SGCZ: variants seen among roughly 807,000 people sequenced by gnomAD.
SGCZ encodes sarcoglycan zeta, also known as zeta-sarcoglycan.
SGCZ carries 40 observed loss-of-function variants against 41.3 expected under a neutral mutation model. The ratio of observed to expected loss-of-function variants is 0.97; its 90% CI spans 0.75 to 1.26. SGCZ has a LOEUF of 1.26. Ranked by LOEUF, SGCZ falls within the 50% of genes most tolerant of loss-of-function variation. The pLI, the probability that SGCZ is intolerant of heterozygous loss-of-function variation, is 0.00. For synonymous variants in SGCZ, 206 were observed against 137.5 expected (o/e 1.50, Z -3.49); for missense variants, 552 against 369.8 (o/e 1.49, Z -4.04).
chr8:14,893,371 G>A (rs73666918), intron 1 of SGCZ, among the ~76,000 whole-genome samples: 4,245 of 152,182 alleles, frequency 0.028, 207 homozygotes, highest in African/African-American at 0.098. Flanking sequence ...CTAGTCCGAT[G>A]AGAGCCACGT....
At chr8:14,962,927 A>G (rs748747594) in intron 1 of SGCZ, among the ~76,000 whole-genome samples, 2 of 152,200 alleles carry the variant, frequency 1.3e-5, no homozygotes, top group African/African-American at 2.4e-5. Flanking sequence ...GTCACTGGCA[A>G]CAGGGGATTA....
intron 1 of SGCZ, among the ~76,000 whole-genome samples, chr8:15,143,600 TG>T (rs1798959416): frequency 6.6e-6 from 1 of 152,238 alleles, no homozygotes; most frequent in African/African-American, 2.4e-5. Flanking sequence ...CAAAAACACA[TG>T]GGTTTAACCC....
intron 2 of SGCZ, among the ~76,000 whole-genome samples, chr8:14,410,805 T>C (rs1799339802): frequency 2.0e-5 from 3 of 152,074 alleles, no homozygotes; most frequent in South Asian, 2.1e-4. Context: ...CGAACAAAAA[T>C]AGGAGTTCTA....
chr8:14,606,537 T>C (rs1202689261), intron 1 of SGCZ, among the ~76,000 whole-genome samples: 1 of 152,212 alleles, frequency 6.6e-6, no homozygotes, highest in Admixed American at 6.5e-5. Flanking sequence ...GCAGGAATCA[T>C]ATGACTATAT....
intron 2 of SGCZ, among the ~76,000 whole-genome samples, chr8:14,456,995 C>T (rs2116940882): frequency 6.6e-6 from 1 of 152,298 alleles, no homozygotes; most frequent in African/African-American, 2.4e-5. Flanking sequence ...GAAGCAGATG[C>T]TTCCAGTGGG....
chr8:14,113,368 C>T lies in SGCZ; in HGVS notation c.548-5133G>A, dbSNP rs545973935. 1.2e-3 allele frequency among the ~76,000 whole-genome samples: 181 copies of T among 152,192 alleles called. 1 individual carries two copies. The highest frequency in any genetic ancestry group is 3.4e-3 in the Middle Eastern group (1 of 294). On this transcript the variant is annotated intron_variant, in intron 5 of 7. Transcript: ENST00000382080. The stretch of plus-strand genomic sequence containing the variant: ...GCCTGTAGTACTTGTCTTTAAACTA[C>T]CATATCTATTCTTACATTTTATATT...
intron 1 of SGCZ, among the ~76,000 whole-genome samples, chr8:15,004,887 T>G (rs1327160603): frequency 6.6e-6 from 1 of 152,218 alleles, no homozygotes; most frequent in African/African-American, 2.4e-5. Context: ...TTGTGTGCTG[T>G]TCAAATACAG....
intron 1 of SGCZ, among the ~76,000 whole-genome samples, chr8:15,207,109 G>T (rs997815619): frequency 6.6e-6 from 1 of 152,188 alleles, no homozygotes; most frequent in African/African-American, 2.4e-5. Context: ...TTTGCAAAGT[G>T]AGAGTTCTGG....
At chr8:14,862,115 A>G (rs1317020840) in intron 1 of SGCZ, among the ~76,000 whole-genome samples, 1 of 152,160 alleles carries the variant, frequency 6.6e-6, no homozygotes, top group African/African-American at 2.4e-5. Context: ...ACATTAAGTC[A>G]TTCCCAGTGC....
intron 1 of SGCZ, among the ~76,000 whole-genome samples, chr8:14,593,112 A>G (rs1805292483): frequency 1.3e-5 from 2 of 152,136 alleles, no homozygotes; most frequent in Admixed American, 1.3e-4. Flanking sequence ...TCCAGATTCC[A>G]ATGCCTAGAA....
chr8:15,170,217 A>G (rs979599219), intron 1 of SGCZ, among the ~76,000 whole-genome samples: 1 of 152,196 alleles, frequency 6.6e-6, no homozygotes, highest in Non-Finnish European at 1.5e-5. Flanking sequence ...CCTGCCTGAG[A>G]TCTAAAGTTT....
At chr8:14,119,777 G>GTTGAATT (rs1302817581) in intron 5 of SGCZ, among the ~76,000 whole-genome samples, 1 of 152,090 alleles carries the variant, frequency 6.6e-6, no homozygotes, top group African/African-American at 2.4e-5. Flanking sequence ...ATGAAGTGGT[G>GTTGAATT]TTGAATTTTA....
chr8:14,481,676 C>T (rs1179853954), intron 2 of SGCZ, among the ~76,000 whole-genome samples: 1 of 151,924 alleles, frequency 6.6e-6, no homozygotes, highest in African/African-American at 2.4e-5. Flanking sequence ...ATATTTATTA[C>T]CTAACATTTG....
In SGCZ at chr8:14,674,933, T is replaced by C. The variant is rs1222659755; in HGVS notation, c.40-120007A>G. On this transcript the variant is annotated intron_variant, in intron 1 of 7. Coordinates refer to ENST00000382080, the MANE Select transcript of SGCZ (RefSeq NM_139167.4). ...TTTAACCTCTTTTCTTTTCTGTTTTTTTTTTTTTTTTTTTTTTTTTTTTGA... is the reference window on the plus strand; with the variant it reads ...TTTAACCTCTTTTCTTTTCTGTTTTCTTTTTTTTTTTTTTTTTTTTTTTGA... Among the ~76,000 whole-genome samples, 27 of 70,018 alleles carry C rather than the reference T, an allele frequency of 3.9e-4. 3 individuals carry two copies. Among genetic ancestry groups the C allele is most frequent in the East Asian group, 1.2e-3 (3 of 2,414 alleles). The allele number at this position is 70,018 out of a possible 152,430, so 45.9% of individuals were successfully genotyped here. A position where few individuals can be genotyped will look rare whatever the true frequency, so the allele number is the denominator to read the frequency against.
At chr8:15,166,598 T>G (rs1012993522) in intron 1 of SGCZ, among the ~76,000 whole-genome samples, 1 of 152,172 alleles carries the variant, frequency 6.6e-6, no homozygotes, top group Admixed American at 6.5e-5. Context: ...CTAATATATA[T>G]TGCAAACTTA....
intron 1 of SGCZ, among the ~76,000 whole-genome samples, chr8:15,013,015 G>C (rs937294065): frequency 1.3e-5 from 2 of 151,974 alleles, no homozygotes; most frequent in African/African-American, 2.4e-5. Context: ...ATGGTGTCTG[G>C]TGCCAACTTC....
At chr8:14,658,520 C>A (rs1053473222) in intron 1 of SGCZ, among the ~76,000 whole-genome samples, 2 of 151,820 alleles carry the variant, frequency 1.3e-5, no homozygotes, top group African/African-American at 4.8e-5. Flanking sequence ...AGTAGCTAAT[C>A]CTTTGACCTG....
At chr8:14,535,550 A>G (rs1244866996) in intron 2 of SGCZ, among the ~76,000 whole-genome samples, 1 of 151,940 alleles carries the variant, frequency 6.6e-6, no homozygotes, top group Non-Finnish European at 1.5e-5. Flanking sequence ...TACAACTTAA[A>G]TGTGTAGGAA....
chr8:14,536,638 A>T (rs2117139245), intron 2 of SGCZ, among the ~76,000 whole-genome samples: 1 of 151,924 alleles, frequency 6.6e-6, no homozygotes, highest in African/African-American at 2.4e-5. Context: ...TCCCTTGGGT[A>T]GCATAGAAAT....
Sources: gnomAD v4.1 joint callset for allele counts (sites outside exome capture counted in the v4.1 genomes callset) on GRCh38, gnomAD v4.1.1 for gene constraint, MANE v1.5 for transcripts, NCBI Gene and HGNC (gene_info 2026-07-23, HGNC 2026-07-21) for gene names.